Variants in ARMC2 observed in about 807,000 individuals in gnomAD.
The protein encoded by ARMC2 is armadillo repeat-containing protein 2.
A neutral mutation model predicts 90.3 loss-of-function variants in ARMC2; 67 were observed. The observed-to-expected ratio is 0.74, with a 90% CI of 0.61 to 0.91. The LOEUF (loss-of-function observed/expected upper bound fraction) is 0.91, where lower values mean the gene tolerates loss of function less well. Ranked by LOEUF, ARMC2 falls within the 40% of genes least tolerant of loss-of-function variation. ARMC2 has a pLI of 0.00. For missense variants in ARMC2, 920 were observed against 1,030.9 expected (o/e 0.89, Z 1.47); for synonymous variants, 393 against 393.0 (o/e 1.00, Z 0.00).
In ARMC2 at chr6:108,869,024, T is replaced by C; in HGVS notation, c.463+29T>C. The C allele has an allele frequency of 3.2e-6, 5 of 1,556,602 alleles. No homozygotes were observed. In the South Asian group the frequency reaches 5.9e-5, roughly 19 times the overall value. ...AGGCCATGTAACATCCTGTAATCTC[T>C]GGGGACAGGCATGCTTCTTGAATTT... On this transcript the variant is annotated intron_variant, in intron 4 of 17. Transcript: ENST00000392644.
intron 17 of ARMC2, among the ~76,000 whole-genome samples, chr6:108,968,349 G>A (rs534610590): frequency 6.6e-6 from 1 of 152,312 alleles, no homozygotes; most frequent in South Asian, 2.1e-4. Flanking sequence ...GTGTTTTCCA[G>A]CCGCTCCGTT....
rs57586293 is a variant in ARMC2, at chr6:108,949,761, A to T, written c.1597-3272A>T. 6.5e-3 allele frequency among the ~76,000 whole-genome samples: 992 copies of T among 152,340 alleles called. 33 individuals are homozygous for T. The East Asian group carries it at 0.1, about 15-fold the overall frequency. On this transcript the variant is annotated intron_variant, in intron 12 of 17. Transcript: ENST00000392644. ...TTATGTGAAATGGGATTCAAGTATT[A>T]TAATCAAATTGTGTGTGCTTGTTTT...
chr6:108,939,577 G>A (rs1776271332), intron 12 of ARMC2, among the ~76,000 whole-genome samples: 1 of 152,178 alleles, frequency 6.6e-6, no homozygotes. Flanking sequence ...CAGAAGCTGA[G>A]CAGATGCCAG....
intron 9 of ARMC2, among the ~76,000 whole-genome samples, chr6:108,911,672 G>A (rs2128471895): frequency 1.3e-5 from 2 of 152,258 alleles, no homozygotes; most frequent in South Asian, 4.1e-4. Flanking sequence ...AGTACTGAAA[G>A]AAATGTCTAA....
chr6:109,026,725 G>A, the ARMC2 span, among the ~76,000 whole-genome samples: 1 of 151,876 alleles, frequency 6.6e-6, no homozygotes, highest in Non-Finnish European at 1.5e-5. Context: ...GGATGGTCTC[G>A]ATCTCTTGAC....
chr6:108,891,561 T>G (rs1477897230), intron 5 of ARMC2, among the ~76,000 whole-genome samples: 1 of 152,258 alleles, frequency 6.6e-6, no homozygotes, highest in Non-Finnish European at 1.5e-5. Flanking sequence ...TTTTGAGAAG[T>G]GTCTGTTCAT....
intron 10 of ARMC2, among the ~76,000 whole-genome samples, chr6:108,925,601 A>G (rs1162669049): frequency 2.0e-5 from 3 of 152,244 alleles, no homozygotes; most frequent in African/African-American, 7.2e-5. Context: ...GACCATGGTC[A>G]GGGAACTGAA....
the ARMC2 span, among the ~76,000 whole-genome samples, chr6:109,052,669 A>T: frequency 1.3e-5 from 2 of 152,218 alleles, no homozygotes; most frequent in African/African-American, 4.8e-5. Flanking sequence ...CAGGTTTTAT[A>T]TAAGTTACTG....
At chr6:108,848,585 C>T (rs1417418282) in intron 1 of ARMC2, 39 bp downstream of exon 1, 1 of 152,590 alleles carries the variant, frequency 6.6e-6, no homozygotes, top group South Asian at 2.1e-4. Flanking sequence ...TCCCTGAGCC[C>T]TCGCCAAGCT....
the ARMC2 span, among the ~76,000 whole-genome samples, chr6:108,995,638 T>G: frequency 1.3e-5 from 2 of 152,198 alleles, no homozygotes; most frequent in Admixed American, 6.5e-5. Flanking sequence ...AAGTCTGGGT[T>G]GGGCTAGTGG....
chr6:108,872,884 A>C (rs1478440432), intron 4 of ARMC2, among the ~76,000 whole-genome samples: 1 of 152,188 alleles, frequency 6.6e-6, no homozygotes, highest in African/African-American at 2.4e-5. Flanking sequence ...TAGGTCAGGG[A>C]AACACTGCCT....
chr6:108,880,299 G>A (rs767696959), intron 5 of ARMC2: 2 of 204,810 alleles, frequency 9.8e-6, no homozygotes, highest in Non-Finnish European at 2.0e-5. Context: ...TCCCTCCCAG[G>A]GGTGGTTATG....
chr6:108,987,564 T>C, the ARMC2 span: 1 of 1,598,924 alleles, frequency 6.3e-7, no homozygotes, highest in East Asian at 2.2e-5. Context: ...TAGCGGGTAA[T>C]GGCTCTCAGA....
the ARMC2 span, among the ~76,000 whole-genome samples, chr6:109,026,259 T>A: frequency 1.3e-5 from 2 of 152,144 alleles, no homozygotes; most frequent in Non-Finnish European, 2.9e-5. Flanking sequence ...CAACAGATCC[T>A]CAACTGAAGG....
chr6:108,964,126 A>T (rs1246740990), intron 15 of ARMC2, 54 bp from the exon 16 acceptor site: 1 of 1,577,950 alleles, frequency 6.3e-7, no homozygotes, highest in Non-Finnish European at 8.6e-7. Context: ...AAAACAAGAG[A>T]CAGCTGGGAA....
chr6:108,857,536 G>A (rs1323346676), intron 2 of ARMC2, among the ~76,000 whole-genome samples: 1 of 152,120 alleles, frequency 6.6e-6, no homozygotes, highest in East Asian at 1.9e-4. Context: ...GGGATGTTCT[G>A]TATGATACTG....
chr6:109,018,620 T>G, the ARMC2 span, among the ~76,000 whole-genome samples: 4 of 152,234 alleles, frequency 2.6e-5, no homozygotes, highest in Non-Finnish European at 5.9e-5. Context: ...GTGGATATTG[T>G]ACATTTTGGT....
chr6:108,990,499 T>C, the ARMC2 span: 4 of 727,926 alleles, frequency 5.5e-6, no homozygotes, highest in Admixed American at 2.9e-5. Flanking sequence ...AAGTGGTTCT[T>C]TGAAGCATAA....
intron 8 of ARMC2, chr6:108,907,477 T>TTTTTTTTTTTTTTTTTTTA (rs58992504): frequency 1.5e-5 from 5 of 330,220 alleles, no homozygotes; most frequent in Non-Finnish European, 2.1e-5. Flanking sequence ...TTTTTTTTTT[T>TTTTTTTTTTTTTTTTTTTA]ACCAGTCATC....
Sources: gnomAD v4.1 joint callset for allele counts (sites outside exome capture counted in the v4.1 genomes callset) on GRCh38, gnomAD v4.1.1 for gene constraint, MANE v1.5 for transcripts, NCBI Gene and HGNC (gene_info 2026-07-23, HGNC 2026-07-21) for gene names.